RAP1B: variants seen among roughly 807,000 people sequenced by gnomAD.
RAP1B encodes RAP1B, member of RAS oncogene family, also known as ras-related protein Rap-1b.
A neutral mutation model predicts 27.5 loss-of-function variants in RAP1B; 1 was observed. The ratio of observed to expected loss-of-function variants is 0.04; its 90% CI spans 0.01 to 0.17. RAP1B has a LOEUF of 0.17. RAP1B is among the 10% of genes least tolerant of loss of function. The pLI, the probability that RAP1B is intolerant of heterozygous loss-of-function variation, is 1.00. For missense variants in RAP1B, 84 were observed against 214.8 expected (o/e 0.39, Z 3.81); for synonymous variants, 75 against 73.1 (o/e 1.03, Z -0.13).
Position 68,669,181 on chromosome 12 carries a change from G to A in RAP1B, c.*9932G>A, listed in dbSNP as rs1200492038. The A allele has an allele frequency of 1.3e-5, 2 of 151,984 alleles. No homozygotes were observed. The highest frequency in any genetic ancestry group is 6.6e-5 in the Admixed American group (1 of 15,238). The allele number at this position is 151,984 out of a possible 1,614,324, so 9.4% of individuals were successfully genotyped here. On this transcript the variant is annotated 3_prime_UTR_variant, in exon 8 of 8. Transcript: ENST00000250559. ...ACCTACAAGTTGATATAGTAAACAC[G>A]ACAGATAAAAACTAAATGCCTTAAG...
At chr12:68,641,977 T>C (rs1413118243) in intron 1 of RAP1B, among the ~76,000 whole-genome samples, 1 of 152,220 alleles carries the variant, frequency 6.6e-6, no homozygotes, top group Non-Finnish European at 1.5e-5. Flanking sequence ...AAATTGCACC[T>C]TTTGGCTGAT....
chr12:68,633,320 A>G (rs936539840), intron 1 of RAP1B, among the ~76,000 whole-genome samples: 5 of 152,006 alleles, frequency 3.3e-5, no homozygotes, highest in Non-Finnish European at 5.9e-5. Context: ...CTAATGATTT[A>G]TATATCCACT....
chr12:68,644,919 TGG>T, intron 1 of RAP1B, among the ~76,000 whole-genome samples: 1 of 152,010 alleles, frequency 6.6e-6, no homozygotes, highest in Non-Finnish European at 1.5e-5. Flanking sequence ...CTGACCAGCC[TGG>T]TCCAGCTGGT....
intron 4 of RAP1B, 144 bp downstream of exon 4, chr12:68,652,195 C>CGAAGTGCTGGGAATAG: frequency 1.7e-6 from 1 of 581,512 alleles, no homozygotes. Flanking sequence ...CCTCTATTCC[C>CGAAGTGCTGGGAATAG]AGCACTTCGG....
Position 68,652,708 on chromosome 12 carries a change from C to G in RAP1B, c.183+657C>G, listed in dbSNP as rs535185983. 3.9e-5 allele frequency among the ~76,000 whole-genome samples: 6 copies of G among 152,184 alleles called. No individual in the cohort carries two copies. The East Asian group carries it at 1.2e-3, about 29-fold the overall frequency. ...TGTTACACACCTGTAATCCCAGTTA[C>G]TTGGGAGGCTGAGGCAGGAGAATAG... is the stretch of plus-strand genomic sequence containing the variant. On this transcript the variant is annotated intron_variant, in intron 4 of 7. Transcript: ENST00000250559.
chr12:68,671,725 CG>C lies in RAP1B; in HGVS notation c.*12479del, dbSNP rs1231567170. ...AAAAAGAAAAGCAAAAGTACAACAGCGGGAGAAAAAACAGGATGACTCGTCT... is the reference window on the plus strand; with the variant it reads ...AAAAAGAAAAGCAAAAGTACAACAGCGGAGAAAAAACAGGATGACTCGTCT... On this transcript the variant is annotated 3_prime_UTR_variant, in exon 8 of 8. Transcript: ENST00000250559. 1 of 151,130 alleles carries C rather than the reference CG, an allele frequency of 6.6e-6. No individual in the cohort carries two copies. The highest frequency in any genetic ancestry group is 2.4e-5 in the African/African-American group (1 of 41,036). The allele number at this position is 151,130 out of a possible 1,614,324, so 9.4% of individuals were successfully genotyped here. A position where few individuals can be genotyped will look rare whatever the true frequency, so the allele number is the denominator to read the frequency against.
Position 68,662,133 on chromosome 12 carries a change from G to T in RAP1B, c.*2884G>T, listed in dbSNP as rs1874635406. 2 of 150,004 alleles carry T rather than the reference G, an allele frequency of 1.3e-5. No individual in the cohort carries two copies. Among genetic ancestry groups the T allele is most frequent in the Non-Finnish European group, 3.0e-5 (2 of 67,622 alleles). The allele number at this position is 150,004 out of a possible 1,614,324, so 9.3% of individuals were successfully genotyped here. A position where few individuals can be genotyped will look rare whatever the true frequency, so the allele number is the denominator to read the frequency against. On this transcript the variant is annotated 3_prime_UTR_variant, in exon 8 of 8. Transcript: ENST00000250559. The stretch of plus-strand genomic sequence containing the variant: ...TAATTTATTTTTTTCAATGCTGATA[G>T]GAATAAGGCTGTGGTTTGGCAAAAA...
rs1328539031 is a variant in RAP1B at position 68,660,642 on chromosome 12, C to T, written c.*1393C>T. On this transcript the variant is annotated 3_prime_UTR_variant, in exon 8 of 8. Transcript: ENST00000250559. ...TACACAGCATGGTTTCATAATTTAA[C>T]ATCTGGGCAAGCCAGACTCATTAAT... is the stretch of plus-strand genomic sequence containing the variant. The T allele has an allele frequency of 2.0e-5, 3 of 152,522 alleles. No homozygotes were observed. The highest frequency in any genetic ancestry group is 4.4e-5 in the Non-Finnish European group (3 of 68,022). The allele number at this position is 152,522 out of a possible 1,614,324, so 9.4% of individuals were successfully genotyped here.
chr12:68,627,338 C>T, intron 1 of RAP1B: 1 of 743,910 alleles, frequency 1.3e-6, no homozygotes, highest in Non-Finnish European at 2.4e-6. Flanking sequence ...TGGGCCCCCC[C>T]ATGAGGAAAG....
chr12:68,623,555 A>G (rs1405861383), intron 1 of RAP1B, among the ~76,000 whole-genome samples: 2 of 152,250 alleles, frequency 1.3e-5, no homozygotes, highest in African/African-American at 2.4e-5. Flanking sequence ...CAAACACAAT[A>G]TTAATGTGGA....
intron 1 of RAP1B, among the ~76,000 whole-genome samples, chr12:68,634,126 T>C (rs893519417): frequency 1.3e-5 from 2 of 152,158 alleles, no homozygotes; most frequent in Non-Finnish European, 2.9e-5. Context: ...TAAAATAATA[T>C]GCTATTGAAG....
In RAP1B at chr12:68,659,720, T is replaced by A. The variant is rs1189126633; in HGVS notation, c.*471T>A. ...TTTGATACTTGTAGCTTATTGTAAT[T>A]TTTTTTAAGAAATTCAAGGTCATTA... On this transcript the variant is annotated 3_prime_UTR_variant, in exon 8 of 8. Transcript: ENST00000250559. 6.6e-6 allele frequency: 1 copy of A among 152,474 alleles called. No homozygotes were observed. Among genetic ancestry groups the A allele is most frequent in the Admixed American group, 6.5e-5 (1 of 15,268 alleles). The allele number at this position is 152,474 out of a possible 1,614,324, so 9.4% of individuals were successfully genotyped here. A position where few individuals can be genotyped will look rare whatever the true frequency, so the allele number is the denominator to read the frequency against.
chr12:68,631,967 C>T (rs765199575), intron 1 of RAP1B, among the ~76,000 whole-genome samples: 2 of 151,986 alleles, frequency 1.3e-5, no homozygotes, highest in African/African-American at 2.4e-5. Context: ...TGAGACTTTC[C>T]GTGCTTAAAC....
intron 1 of RAP1B, among the ~76,000 whole-genome samples, chr12:68,643,379 T>C (rs909961479): frequency 6.6e-6 from 1 of 152,208 alleles, no homozygotes; most frequent in African/African-American, 2.4e-5. Context: ...ATAAATTTTT[T>C]GCTTGCTAAT....
intron 1 of RAP1B, among the ~76,000 whole-genome samples, chr12:68,629,297 C>G (rs1872062526): frequency 6.6e-6 from 1 of 152,172 alleles, no homozygotes; most frequent in African/African-American, 2.4e-5. Context: ...TATCTAAAGA[C>G]AGTACCTTAT....
At chr12:68,651,593 G>A (rs1019657162) in intron 3 of RAP1B, 19 of 169,830 alleles carry the variant, frequency 1.1e-4, no homozygotes, top group African/African-American at 3.8e-4. Context: ...TAGTTACCTA[G>A]AGAAATGAGG....
At chr12:68,635,115 A>G (rs1051533970) in intron 1 of RAP1B, among the ~76,000 whole-genome samples, 2 of 152,210 alleles carry the variant, frequency 1.3e-5, no homozygotes, top group Non-Finnish European at 2.9e-5. Flanking sequence ...CTCAAAGTAA[A>G]TATGATAAGC....
At chr12:68,642,458 T>C in intron 1 of RAP1B, 1 of 794,270 alleles carries the variant, frequency 1.3e-6, no homozygotes, top group Non-Finnish European at 2.1e-6. Context: ...ATAATTATTA[T>C]TTTTAATGTC....
At chr12:68,623,591 G>T (rs1871533344) in intron 1 of RAP1B, among the ~76,000 whole-genome samples, 1 of 152,200 alleles carries the variant, frequency 6.6e-6, no homozygotes, top group Non-Finnish European at 1.5e-5. Context: ...TTAAGTGAGA[G>T]AAATAAAAGA....
Sources: allele counts gnomAD v4.1 joint callset (sites outside exome capture counted in the v4.1 genomes callset), GRCh38; gene constraint gnomAD v4.1.1; transcripts MANE v1.5; gene names NCBI Gene and HGNC (gene_info 2026-07-23, HGNC 2026-07-21).